The following METTL25B variants were observed in gnomAD, a reference collection of about 807,000 sequenced individuals.
METTL25B encodes the protein methyltransferase-like protein 25B.
METTL25B carries 38 observed loss-of-function variants against 48.4 expected under a neutral mutation model. The ratio of observed to expected loss-of-function variants is 0.78; its 90% CI spans 0.61 to 1.03. The LOEUF (loss-of-function observed/expected upper bound fraction) is 1.03, where lower values mean the gene tolerates loss of function less well. Ranked by LOEUF, METTL25B falls within the 50% of genes least tolerant of loss-of-function variation. The pLI is 0.00. For synonymous variants in METTL25B, 230 were observed against 254.5 expected (o/e 0.90, Z 0.92); for missense variants, 537 against 603.7 (o/e 0.89, Z 1.16).
rs139236626 is a variant in METTL25B, at chr1:156,732,459, C to G, written c.415C>G (p.Arg139Gly). 1 of 1,613,718 alleles carries G rather than the reference C, an allele frequency of 6.2e-7. No individual in the cohort carries two copies. Reference sequence around the variant, plus strand: ...CAGGCCCAAGAAGCAGCATGAGATCCGGAGGCTGGGAGAGGTGAGGAGATG... The same window carrying G: ...CAGGCCCAAGAAGCAGCATGAGATCGGGAGGCTGGGAGAGGTGAGGAGATG... ...HVRPKKQHEIRRLGELVKKLS... is the reference protein window; with the variant it reads ...HVRPKKQHEIGRLGELVKKLS... Residue 139 changes from arginine (R) to glycine (G), a missense_variant, in exon 3 of 8, where the codon CGG (arginine) becomes GGG (glycine). Physicochemically the swap from Arg to Gly is moderately radical, Grantham distance 125. Transcript: ENST00000368216.
At chr1:156,733,352 G>A in intron 4 of METTL25B, 25 bp from the exon 5 acceptor site, 1 of 1,613,806 alleles carries the variant, frequency 6.2e-7, no homozygotes, top group Non-Finnish European at 8.5e-7. Context: ...GAACAGGGCT[G>A]TTTCCATCCT....
At chr1:156,731,042 T>C (rs1649245964) in intron 1 of METTL25B, among the ~76,000 whole-genome samples, 1 of 152,238 alleles carries the variant, frequency 6.6e-6, no homozygotes, top group Admixed American at 6.5e-5. Context: ...CTATCTAAAG[T>C]AGTCCTTGCC....
chr1:156,733,511 G>T lies in METTL25B; in HGVS notation c.627G>T (p.Arg209Ser). The change falls in exon 5 of 8, where the codon AGG becomes AGT. Residue 209 changes from arginine (R) to serine (S), a missense_variant. By Grantham distance (110) the Arg-to-Ser change is moderately radical. Coordinates refer to ENST00000368216, the MANE Select transcript of METTL25B (RefSeq NM_015997.4). The part of the protein sequence containing the change: ...LLQALEKEEK[R>S]NPQVVQTSPR... ...AGGCTCTGGAGAAAGAGGAGAAGAG[G>T]AACCCGCAGGTAGGCCAACCCTTCC... 1 of 1,613,806 alleles carries T rather than the reference G, an allele frequency of 6.2e-7. No individual in the cohort carries two copies. The highest frequency in any genetic ancestry group is 8.5e-7 in the Non-Finnish European group (1 of 1,179,962).
intron 1 of METTL25B, among the ~76,000 whole-genome samples, chr1:156,731,719 C>T (rs113980373): frequency 0.012 from 1,786 of 152,314 alleles, 40 homozygotes; most frequent in African/African-American, 0.041. Flanking sequence ...AGAAAACAGA[C>T]ACAAATAAGT....
In METTL25B at chr1:156,736,771, T is replaced by G. The variant is rs1649853706; in HGVS notation, c.*18T>G. ...ACAGCTGATGCAGCCTGAGGAAACA[T>G]CTCAGACCCCATCATCTGAAAGTGC... On this transcript the variant is annotated 3_prime_UTR_variant, in exon 8 of 8. Transcript: ENST00000368216. The G allele has an allele frequency of 1.9e-6, 3 of 1,605,214 alleles. No homozygotes were observed. The highest frequency in any genetic ancestry group is 8.5e-7 in the Non-Finnish European group (1 of 1,178,796).
rs1412022542 is a variant in METTL25B at position 156,728,941 on chromosome 1, T to C, written c.-164T>C. 5.3e-6 allele frequency: 3 copies of C among 566,810 alleles called. No individual in the cohort carries two copies. The highest frequency in any genetic ancestry group is 4.0e-5 in the African/African-American group (2 of 50,426). The allele number at this position is 566,810 out of a possible 1,614,324, so 35.1% of individuals were successfully genotyped here. On this transcript the variant is annotated 5_prime_UTR_variant, in exon 1 of 8. Coordinates refer to ENST00000368216, the MANE Select transcript of METTL25B (RefSeq NM_015997.4). ...CTGGGGGGCGCCTCAAATCTTCCAC[T>C]CCAGCATCGGATCCCGGAAAGGCAG...
At position 156,728,580 on chromosome 1, in the gene METTL25B, G is replaced by A. The variant is rs985260683; in HGVS notation, c.-525G>A. ...CCCAGGTAGTGAGGCCAGTGATTCC[G>A]AGTGTGTGAGGAGCGGCAGTGGCGG... On this transcript the variant is annotated 5_prime_UTR_variant, in exon 1 of 8. Transcript: ENST00000368216. The A allele has an allele frequency of 5.6e-5, 55 of 985,102 alleles. No homozygotes were observed. Among genetic ancestry groups the A allele is most frequent in the Non-Finnish European group, 6.5e-5 (54 of 829,778 alleles). 61.0% of individuals were successfully genotyped at this position (985,102 alleles called of 1,614,324 possible).
intron 3 of METTL25B, among the ~76,000 whole-genome samples, chr1:156,732,710 A>G (rs1276609978): frequency 6.6e-6 from 1 of 152,100 alleles, no homozygotes; most frequent in Non-Finnish European, 1.5e-5. Flanking sequence ...AATCTCCACA[A>G]TCTGCTCATG....
intron 6 of METTL25B, 136 bp from the exon 7 acceptor site, chr1:156,735,587 TGC>T (rs1558023455): frequency 5.2e-5 from 3 of 57,540 alleles, no homozygotes; most frequent in African/African-American, 3.2e-4. Context: ...TATATATATA[TGC>T]ACATATGTTC....
At chr1:156,732,517 G>A (rs1480147162) in intron 3 of METTL25B, 44 bp downstream of exon 3, 1 of 1,589,600 alleles carries the variant, frequency 6.3e-7, no homozygotes, top group Non-Finnish European at 8.6e-7. Flanking sequence ...GGAGCCCAGG[G>A]ACTCCTTAAG....
intron 1 of METTL25B, among the ~76,000 whole-genome samples, chr1:156,731,627 T>G (rs1649296219): frequency 6.6e-6 from 1 of 152,258 alleles, no homozygotes; most frequent in Admixed American, 6.5e-5. Flanking sequence ...TAATACTGTG[T>G]GTCAGTCACT....
chr1:156,729,069 C>T lies in METTL25B; in HGVS notation c.-36C>T, dbSNP rs2102633842. The T allele has an allele frequency of 7.8e-7, 1 of 1,290,232 alleles. No individual in the cohort carries two copies. Among genetic ancestry groups the T allele is most frequent in the Non-Finnish European group, 1.1e-6 (1 of 902,030 alleles). 79.9% of individuals were successfully genotyped at this position (1,290,232 alleles called of 1,614,324 possible). A position where few individuals can be genotyped will look rare whatever the true frequency, so the allele number is the denominator to read the frequency against. The stretch of plus-strand genomic sequence containing the variant: ...ACTGACCCTGGATCCCTGTTCACTG[C>T]GTTCTCGCTCCCCGCGCTCCCTGCT... On this transcript the variant is annotated 5_prime_UTR_variant, in exon 1 of 8. Transcript: ENST00000368216.
At position 156,734,307 on chromosome 1, in the gene METTL25B, A is replaced by T; in HGVS notation, c.935A>T (p.Tyr312Phe). ...GGGCTGCCTGGCTATGAACTGCCCT[A>T]CCGGCTTCGGGAGGGGGCCTGCCAT... ...VAGLPGYELP[Y>F]RLREGACHAL... The change falls in exon 6 of 8, where the codon TAC (tyrosine) becomes TTC (phenylalanine). Residue 312 changes from tyrosine to phenylalanine, a missense_variant. Coordinates refer to ENST00000368216, the MANE Select transcript of METTL25B (RefSeq NM_015997.4). 6.2e-7 allele frequency: 1 copy of T among 1,613,986 alleles called. No individual in the cohort carries two copies. Among genetic ancestry groups the T allele is most frequent in the Non-Finnish European group, 8.5e-7 (1 of 1,179,988 alleles).
At chr1:156,735,931 G>T in intron 7 of METTL25B, 22 bp downstream of exon 7, 1 of 1,599,694 alleles carries the variant, frequency 6.3e-7, no homozygotes, top group Non-Finnish European at 8.5e-7. Context: ...CTACAGCAGG[G>T]ACCCAAGGAC....
intron 6 of METTL25B, 149 bp downstream of exon 6, chr1:156,734,642 A>T: frequency 1.1e-6 from 1 of 926,428 alleles, no homozygotes; most frequent in Non-Finnish European, 1.6e-6. Context: ...TGCCATTCTC[A>T]TGCCTCAGCC....
At position 156,734,502 on chromosome 1, in the gene METTL25B, G is replaced by T. The variant is rs1472385848; in HGVS notation, c.1121+9G>T. On this transcript the variant is annotated intron_variant, in intron 6 of 7. Coordinates refer to ENST00000368216, the MANE Select transcript of METTL25B (RefSeq NM_015997.4). Reference sequence around the variant, plus strand: ...GAGCTCAAGATTGAAGAGTGAGGTTGGGGGACGGGTGGGGGGCAGTGGAGA... The same window carrying T: ...GAGCTCAAGATTGAAGAGTGAGGTTTGGGGACGGGTGGGGGGCAGTGGAGA... The T allele has an allele frequency of 6.4e-7, 1 of 1,563,824 alleles. No homozygotes were observed. Among genetic ancestry groups the T allele is most frequent in the Non-Finnish European group, 8.7e-7 (1 of 1,154,146 alleles).
At chr1:156,733,863 TG>T in intron 5 of METTL25B, 145 bp from the exon 6 acceptor site, 1 of 1,066,230 alleles carries the variant, frequency 9.4e-7, no homozygotes, top group Non-Finnish European at 1.3e-6. Flanking sequence ...TCCTGACTTG[TG>T]GTCCAGCCCC....
intron 7 of METTL25B, 154 bp downstream of exon 7, chr1:156,736,063 T>G: frequency 1.6e-6 from 1 of 617,556 alleles, no homozygotes; most frequent in Non-Finnish European, 2.6e-6. Flanking sequence ...GAGTAGGGGA[T>G]TTGTTAAAAA....
In METTL25B at chr1:156,729,101, C is replaced by T. The variant is rs1379573051; in HGVS notation, c.-4C>T. 1.3e-6 allele frequency: 2 copies of T among 1,590,120 alleles called. No individual in the cohort carries two copies. Among genetic ancestry groups the T allele is most frequent in the African/African-American group, 1.4e-5 (1 of 74,040 alleles). On this transcript the variant is annotated 5_prime_UTR_variant, in exon 1 of 8. Transcript: ENST00000368216. ...GCTCCCCGCGCTCCCTGCTGGACCC[C>T]GGGATGCCGGGCATCTCCGCCCGAG...
Sources: allele counts gnomAD v4.1 joint callset (sites outside exome capture counted in the v4.1 genomes callset), GRCh38; gene constraint gnomAD v4.1.1; transcripts MANE v1.5; gene names NCBI Gene and HGNC (gene_info 2026-07-23, HGNC 2026-07-21).